The following YTHDF2 variants were observed in gnomAD, a reference collection of about 807,000 sequenced individuals.
YTHDF2 encodes the protein YTH domain-containing family protein 2.
YTHDF2 carries 2 observed loss-of-function variants against 50.4 expected under a neutral mutation model. The observed-to-expected ratio is 0.04, with a 90% CI of 0.02 to 0.12. The LOEUF (loss-of-function observed/expected upper bound fraction) is 0.12. Ranked by LOEUF, YTHDF2 falls within the 10% of genes least tolerant of loss-of-function variation. YTHDF2 has a pLI of 1.00. For synonymous variants in YTHDF2, 217 were observed against 255.6 expected (o/e 0.85, Z 1.44); for missense variants, 483 against 722.6 (o/e 0.67, Z 3.80).
chr1:28,741,270 T>A (rs925752282), intron 3 of YTHDF2, among the ~76,000 whole-genome samples: 1 of 152,102 alleles, frequency 6.6e-6, no homozygotes, highest in Admixed American at 6.6e-5. Flanking sequence ...AATGCTGGAA[T>A]TACAGGCGTG....
At chr1:28,756,039 A>G (rs1045165265) in intron 4 of YTHDF2, among the ~76,000 whole-genome samples, 48 of 152,178 alleles carry the variant, frequency 3.2e-4, no homozygotes, top group African/African-American at 1.0e-3. Context: ...TTGCTTTGCT[A>G]TTAGAGACTT....
rs886789838 is a variant in YTHDF2 at position 28,764,334 on chromosome 1, C to T, written c.1717-4595C>T. On this transcript the variant is annotated intron_variant, in intron 4 of 4. Coordinates refer to ENST00000373812, the MANE Select transcript of YTHDF2 (RefSeq NM_016258.3). ...TCACCCAGGCTGGAGTACAGTGGCGCGATCTCAGCTCACTGCATCCCCTGC... is the reference window on the plus strand; with the variant it reads ...TCACCCAGGCTGGAGTACAGTGGCGTGATCTCAGCTCACTGCATCCCCTGC... 4.0e-5 allele frequency among the ~76,000 whole-genome samples: 6 copies of T among 151,776 alleles called. No homozygotes were observed. The East Asian group carries it at 5.8e-4, about 15-fold the overall frequency.
chr1:28,752,427 C>T (rs1016718747), intron 4 of YTHDF2, among the ~76,000 whole-genome samples: 4 of 152,104 alleles, frequency 2.6e-5, no homozygotes, highest in African/African-American at 9.7e-5. Context: ...TCCCAAGTAG[C>T]TGGGACTACA....
At chr1:28,759,632 A>G (rs1384709237) in intron 4 of YTHDF2, among the ~76,000 whole-genome samples, 2 of 152,188 alleles carry the variant, frequency 1.3e-5, no homozygotes, top group Admixed American at 6.6e-5. Context: ...GTGTATCTAA[A>G]CACAGAAAAT....
At chr1:28,762,251 G>T (rs2124204468) in intron 4 of YTHDF2, among the ~76,000 whole-genome samples, 1 of 152,268 alleles carries the variant, frequency 6.6e-6, no homozygotes, top group Non-Finnish European at 1.5e-5. Context: ...AATTAGCCGG[G>T]CATGGTGGCG....
At chr1:28,748,252 C>T (rs1286602606) in intron 4 of YTHDF2, among the ~76,000 whole-genome samples, 1 of 152,188 alleles carries the variant, frequency 6.6e-6, no homozygotes, top group Non-Finnish European at 1.5e-5. Flanking sequence ...TTTTCCTTAA[C>T]ATCTTTACAT....
intron 4 of YTHDF2, among the ~76,000 whole-genome samples, chr1:28,751,673 T>G (rs2087954793): frequency 6.6e-6 from 1 of 152,184 alleles, no homozygotes; most frequent in Admixed American, 6.5e-5. Context: ...GCCCCTTGTA[T>G]CTATCTTTCA....
rs2087725760 is a variant in YTHDF2, at chr1:28,738,296, C to T, written c.90C>T (p.Asn30=). The T allele has an allele frequency of 6.2e-7, 1 of 1,613,930 alleles. No homozygotes were observed. The highest frequency in any genetic ancestry group is 8.5e-7 in the Non-Finnish European group (1 of 1,179,994). The part of the protein sequence containing the change: ...NGSVHQKDGL[N]DDDFEPYLSP... ...CTGTACATCAAAAGGATGGATTAAACGATGATGATTTTGAACCTTACTTGA... is the reference window on the plus strand; with the variant it reads ...CTGTACATCAAAAGGATGGATTAAATGATGATGATTTTGAACCTTACTTGA... The change falls in exon 3 of 5, where the codon AAC becomes AAT. Residue 30 remains asparagine, a synonymous_variant. Coordinates refer to ENST00000373812, the MANE Select transcript of YTHDF2 (RefSeq NM_016258.3).
chr1:28,737,100 G>A lies in YTHDF2; in HGVS notation c.-21G>A. 6.3e-7 allele frequency: 1 copy of A among 1,593,688 alleles called. No homozygotes were observed. Among genetic ancestry groups the A allele is most frequent in the Non-Finnish European group, 8.5e-7 (1 of 1,172,156 alleles). On this transcript the variant is annotated 5_prime_UTR_variant, in exon 1 of 5. Coordinates refer to ENST00000373812, the MANE Select transcript of YTHDF2 (RefSeq NM_016258.3). ...CTGAGGAGAGTTCGCCGCCGTCGCC[G>A]CCCGTGAGGATCTGAGAGCCATGTC... is the stretch of plus-strand genomic sequence containing the variant.
intron 4 of YTHDF2, among the ~76,000 whole-genome samples, chr1:28,760,925 A>G (rs902517904): frequency 2.0e-5 from 3 of 152,072 alleles, no homozygotes; most frequent in South Asian, 2.1e-4. Context: ...TTTACGTGCT[A>G]TAGTTTTATA....
chr1:28,739,063 T>C (rs2087738613), intron 3 of YTHDF2: 1 of 152,142 alleles, frequency 6.6e-6, no homozygotes, highest in Non-Finnish European at 1.5e-5. Context: ...ATTCATATGA[T>C]AGGGAAAGTT....
chr1:28,745,581 C>T (rs2087844940), intron 4 of YTHDF2, among the ~76,000 whole-genome samples: 3 of 151,870 alleles, frequency 2.0e-5, no homozygotes, highest in Admixed American at 2.0e-4. Context: ...CAAAATTAGC[C>T]GGGTGTGGTG....
At position 28,742,445 on chromosome 1, in the gene YTHDF2, T is replaced by G; in HGVS notation, c.175T>G (p.Tyr59Asp). The G allele has an allele frequency of 6.2e-7, 1 of 1,601,024 alleles. No individual in the cohort carries two copies. Among genetic ancestry groups the G allele is most frequent in the Non-Finnish European group, 8.5e-7 (1 of 1,175,112 alleles). Residue 59 changes from tyrosine (Y) to aspartate (D), a missense_variant, in exon 4 of 5, where the codon TAC becomes GAC. Around this residue, in one of 4 missense-constraint regions of YTHDF2, gnomAD observed 385 missense variants for 475.8 expected, o/e 0.81. Coordinates refer to ENST00000373812, the MANE Select transcript of YTHDF2 (RefSeq NM_016258.3). Reference sequence around the variant, plus strand: ...CATGTCAGATTCCTACTTACCCAGTTACTACAGTCCCTCCATTGGCTTCTC... The same window carrying G: ...CATGTCAGATTCCTACTTACCCAGTGACTACAGTCCCTCCATTGGCTTCTC... ...TAMSDSYLPSYYSPSIGFSYS... is the reference protein window; with the variant it reads ...TAMSDSYLPSDYSPSIGFSYS...
chr1:28,743,740 A>G lies in YTHDF2; in HGVS notation c.1470A>G (p.Lys490=), dbSNP rs766935258. 2 of 1,613,700 alleles carry G rather than the reference A, an allele frequency of 1.2e-6. No individual in the cohort carries two copies. The highest frequency in any genetic ancestry group is 1.7e-6 in the Non-Finnish European group (2 of 1,179,882). Residue 490 remains lysine (K), a synonymous_variant, in exon 4 of 5, where the codon AAA becomes AAG. Coordinates refer to ENST00000373812, the MANE Select transcript of YTHDF2 (RefSeq NM_016258.3). The surrounding 1 kb of genome is among the most constrained non-coding windows in gnomAD (Gnocchi z 6.9). The stretch of plus-strand genomic sequence containing the variant: ...GTGCAGGTGTGTGGTCCCAGGACAA[A>G]TGGAAGGGTCGTTTTGATGTCAGGT... ...NTCAGVWSQD[K]WKGRFDVRWI...
intron 4 of YTHDF2, 151 bp downstream of exon 4, chr1:28,744,137 A>T (rs2087820900): frequency 1.1e-6 from 1 of 893,038 alleles, no homozygotes; most frequent in Non-Finnish European, 1.6e-6. Context: ...AATTGGTTTT[A>T]ATACTTGAAC....
chr1:28,768,617 T>C (rs1322656125), intron 4 of YTHDF2, among the ~76,000 whole-genome samples: 1 of 152,168 alleles, frequency 6.6e-6, no homozygotes, highest in African/African-American at 2.4e-5. Context: ...TGACCAGTCA[T>C]GTATGTTTGG....
rs202035284 is a variant in YTHDF2, at chr1:28,742,919, A to G, written c.649A>G (p.Thr217Ala). ...TTCTGCTGTTGGTAGCGGGTCCATT[A>G]CTAGTAACATCGTGGCTTCCAATAG... ...VGSAVGSGSI[T>A]SNIVASNSLP... The change falls in exon 4 of 5, where the codon ACT (threonine) becomes GCT (alanine). Residue 217 changes from threonine (T) to alanine (A), a missense_variant. By Grantham distance (58) the Thr-to-Ala change is moderately conservative. This residue lies in a region of YTHDF2 where 385 missense variants were observed against 475.8 expected (regional missense o/e 0.81). Coordinates refer to ENST00000373812, the MANE Select transcript of YTHDF2 (RefSeq NM_016258.3). 131 of 1,614,090 alleles carry G rather than the reference A, an allele frequency of 8.1e-5. No individual in the cohort carries two copies. The highest frequency in any genetic ancestry group is 1.1e-4 in the Non-Finnish European group (125 of 1,180,048).
At chr1:28,762,150 T>C (rs1011335224) in intron 4 of YTHDF2, among the ~76,000 whole-genome samples, 2 of 152,062 alleles carry the variant, frequency 1.3e-5, no homozygotes, top group Non-Finnish European at 2.9e-5. Context: ...CCCAGCACTT[T>C]GGGAGGCTGA....
chr1:28,757,746 ACCTGTAATT>A (rs1284996091), intron 4 of YTHDF2, among the ~76,000 whole-genome samples: 1 of 152,144 alleles, frequency 6.6e-6, no homozygotes, highest in African/African-American at 2.4e-5. Flanking sequence ...AAAAGAAATC[ACCTGTAATT>A]CCTGTACTAC....
Sources: allele counts gnomAD v4.1 joint callset (sites outside exome capture counted in the v4.1 genomes callset), GRCh38; gene constraint gnomAD v4.1.1; regional missense constraint gnomAD v4.1.1; non-coding constraint Gnocchi (gnomAD v3.1); transcripts MANE v1.5; gene names NCBI Gene and HGNC (gene_info 2026-07-23, HGNC 2026-07-21).